LIFR: variants seen among roughly 807,000 people sequenced by gnomAD.
LIFR encodes the protein LIF receptor subunit alpha, also known as leukemia inhibitory factor receptor.
In LIFR, 84 loss-of-function variants were observed where a neutral mutation model predicts 122.2. That is an observed-to-expected ratio of 0.69 (90% CI 0.58 to 0.82). The LOEUF (loss-of-function observed/expected upper bound fraction) is 0.82. Among genes scored for constraint, LIFR ranks in the 40% least tolerant of loss-of-function variants. The pLI is 0.00. For missense variants in LIFR, 1,294 were observed against 1,311.6 expected (o/e 0.99, Z 0.21); for synonymous variants, 422 against 434.7 (o/e 0.97, Z 0.36).
At chr5:38,535,657 G>A (rs536810661) in intron 1 of LIFR, among the ~76,000 whole-genome samples, 40 of 152,152 alleles carry the variant, frequency 2.6e-4, no homozygotes, top group African/African-American at 7.2e-4. Context: ...CCTACAGACC[G>A]TCAGATCCTT....
In LIFR at chr5:38,475,405, G is replaced by A. The variant is rs1046224; in HGVS notation, c.*6190C>T. ...CCTTATACGATTAAACATGATTTTA[G>A]GTACAGCACATCACAACTGTTTATT... On this transcript the variant is annotated 3_prime_UTR_variant, in exon 20 of 20. Coordinates refer to ENST00000453190, the MANE Select transcript of LIFR (RefSeq NM_001127671.2). The A allele has an allele frequency of 0.33, 64,511 of 196,310 alleles. 11,717 individuals carry two copies. The highest frequency in any genetic ancestry group is 0.66 in the East Asian group (8,190 of 12,324). The allele number at this position is 196,310 out of a possible 1,614,324, so 12.2% of individuals were successfully genotyped here.
intron 2 of LIFR, 85 bp downstream of exon 2, chr5:38,530,421 G>C: frequency 8.8e-7 from 1 of 1,138,264 alleles, no homozygotes; most frequent in Non-Finnish European, 1.3e-6. Flanking sequence ...TCCTAAAGGG[G>C]TCAATAAAGC....
At chr5:38,505,795 T>TAA in intron 9 of LIFR, 110 bp downstream of exon 9, 1 of 466,144 alleles carries the variant, frequency 2.1e-6, no homozygotes, top group African/African-American at 2.0e-5. Flanking sequence ...TAATATTAAG[T>TAA]AACTATAAAG....
At chr5:38,514,362 C>T (rs1473385574) in intron 5 of LIFR, among the ~76,000 whole-genome samples, 1 of 152,172 alleles carries the variant, frequency 6.6e-6, no homozygotes, top group East Asian at 1.9e-4. Context: ...ACAATGGAAT[C>T]ATACCTTCAA....
In LIFR at chr5:38,496,492, T is replaced by C. The variant is rs1744883071; in HGVS notation, c.1775A>G (p.His592Arg). The C allele has an allele frequency of 6.2e-7, 1 of 1,613,810 alleles. No homozygotes were observed. Among genetic ancestry groups the C allele is most frequent in the Non-Finnish European group, 8.5e-7 (1 of 1,179,636 alleles). The change falls in exon 13 of 20, where the codon CAC becomes CGC. Residue 592 changes from histidine to arginine, a missense_variant. His to Arg is a conservative substitution (Grantham distance 29, BLOSUM62 0). Transcript: ENST00000453190. ...QSLSEIPDPQ[H>R]KAEIRLDKND... ...CTTATCAAGTCGTATCTCTGCTTTG[T>C]GCTGAGGATCAGGGATTTCAGAAAG...
chr5:38,588,370 G>A (rs1173304316), intron 1 of LIFR, among the ~76,000 whole-genome samples: 1 of 152,158 alleles, frequency 6.6e-6, no homozygotes, highest in East Asian at 1.9e-4. Flanking sequence ...GCTTGAGGAA[G>A]AATTTTAATA....
chr5:38,559,482 A>G (rs1045694232), upstream of LIFR, among the ~76,000 whole-genome samples: 2 of 152,210 alleles, frequency 1.3e-5, no homozygotes, highest in African/African-American at 2.4e-5. Flanking sequence ...TCATGGATTG[A>G]GACTATTTTT....
At chr5:38,531,147 A>G (rs1746987186) in intron 1 of LIFR, among the ~76,000 whole-genome samples, 2 of 152,224 alleles carry the variant, frequency 1.3e-5, no homozygotes, top group Admixed American at 1.3e-4. Flanking sequence ...TATTTCATAC[A>G]AATTTAATAA....
At chr5:38,528,689 A>G (rs1746822888) in intron 3 of LIFR, 37 bp downstream of exon 3, 4 of 1,245,086 alleles carry the variant, frequency 3.2e-6, no homozygotes, top group Non-Finnish European at 4.6e-6. Flanking sequence ...CTGCAATTCA[A>G]CCTAGCTCAT....
In LIFR at chr5:38,482,402, C is replaced by T. The variant is rs2256595; in HGVS notation, c.2671-184G>A. ...ATCAGTATTTTCCTTGTTATTAATA[C>T]TTGTGGGAGAAAAAAGAGCACTGTA... is the stretch of plus-strand genomic sequence containing the variant. On this transcript the variant is annotated intron_variant, in intron 19 of 19. Coordinates refer to ENST00000453190, the MANE Select transcript of LIFR (RefSeq NM_001127671.2). 0.46 allele frequency among the ~76,000 whole-genome samples: 70,404 copies of T among 151,770 alleles called. 17,936 individuals carry two copies. Among genetic ancestry groups the T allele is most frequent in the East Asian group, 0.7 (3,588 of 5,158 alleles).
At chr5:38,512,044 A>G in intron 5 of LIFR, 80 bp from the exon 6 acceptor site, 2 of 1,377,774 alleles carry the variant, frequency 1.5e-6, no homozygotes, top group Non-Finnish European at 2.0e-6. Context: ...AAGACACAAT[A>G]GATTCCATAC....
At chr5:38,528,539 GC>G in intron 3 of LIFR, 186 bp downstream of exon 3, 1 of 627,360 alleles carries the variant, frequency 1.6e-6, no homozygotes, top group Non-Finnish European at 2.9e-6. Context: ...TTCTCACCTT[GC>G]CATCACACCT....
intron 1 of LIFR, among the ~76,000 whole-genome samples, chr5:38,551,975 CT>C (rs1325441265): frequency 6.6e-6 from 1 of 152,218 alleles, no homozygotes; most frequent in Admixed American, 6.5e-5. Context: ...ACTCGGGCAT[CT>C]AAGCCTCTAA....
chr5:38,518,434 C>A (rs1746221414), intron 5 of LIFR, among the ~76,000 whole-genome samples: 1 of 152,076 alleles, frequency 6.6e-6, no homozygotes, highest in South Asian at 2.1e-4. Flanking sequence ...TATAACAATA[C>A]TTCAGTCAAT....
chr5:38,553,645 T>TA (rs1322434999), intron 1 of LIFR, among the ~76,000 whole-genome samples: 2 of 94,756 alleles, frequency 2.1e-5, no homozygotes, highest in Non-Finnish European at 4.0e-5. Flanking sequence ...TATATATATA[T>TA]ATATATATAT....
chr5:38,523,375 A>G, intron 5 of LIFR, 44 bp downstream of exon 5: 2 of 1,525,502 alleles, frequency 1.3e-6, no homozygotes, highest in Non-Finnish European at 1.8e-6. Context: ...AAAATTATTC[A>G]GTTTCTTTAA....
chr5:38,601,954 G>A lies in LIFR; in HGVS notation n.305+4251C>T, dbSNP rs200932316. Among the ~76,000 whole-genome samples the A allele has an allele frequency of 4.6e-5, 7 of 152,146 alleles. No homozygotes were observed. In the East Asian group the frequency reaches 1.4e-3, roughly 29 times the overall value. On this transcript the variant is annotated intron_variant and non_coding_transcript_variant, in intron 2 of 3. Coordinates refer to the LIFR transcript ENST00000507786. The stretch of plus-strand genomic sequence containing the variant: ...GATAATAACACCAATGTCCATCCAA[G>A]CTAGAAACCACCGCATCATCCTTGA...
upstream of LIFR, chr5:38,557,340 A>T (rs1349283544): frequency 6.5e-6 from 1 of 152,768 alleles, no homozygotes; most frequent in Non-Finnish European, 1.5e-5. Flanking sequence ...CATTGTTCCC[A>T]TTTCCGCAGT....
rs112286938 is a variant in LIFR at position 38,487,808 on chromosome 5, G to A, written c.2335+1270C>T. ...CAGTTCTAAGGAACGTTCTTCAATCGACCCCTCCGTTCAGACCAGATTGAT... is the reference window on the plus strand; with the variant it reads ...CAGTTCTAAGGAACGTTCTTCAATCAACCCCTCCGTTCAGACCAGATTGAT... On this transcript the variant is annotated intron_variant, in intron 16 of 19. Transcript: ENST00000453190. Among the ~76,000 whole-genome samples the A allele has an allele frequency of 2.8e-3, 427 of 152,098 alleles. 2 individuals are homozygous for A. The highest frequency in any genetic ancestry group is 9.6e-3 in the African/African-American group (400 of 41,484).
Sources: gnomAD v4.1 joint callset for allele counts (sites outside exome capture counted in the v4.1 genomes callset) on GRCh38, gnomAD v4.1.1 for gene constraint, MANE v1.5 for transcripts, NCBI Gene and HGNC (gene_info 2026-07-23, HGNC 2026-07-21) for gene names.